The following C8orf34 variants were observed in gnomAD, a reference collection of about 807,000 sequenced individuals.
C8orf34 encodes the protein chromosome 8 open reading frame 34, also known as uncharacterized protein C8orf34.
A neutral mutation model predicts 68.3 loss-of-function variants in C8orf34; 65 were observed. The ratio of observed to expected loss-of-function variants is 0.95; its 90% confidence interval spans 0.78 to 1.17. C8orf34 has a LOEUF of 1.17. C8orf34 is among the 50% of genes most tolerant of loss of function. The probability of loss-of-function intolerance (pLI) is 0.00; values close to 1 mark genes in which losing one functional copy is unlikely to be tolerated. For synonymous variants in C8orf34, 244 were observed against 241.2 expected (o/e 1.01, Z -0.11); for missense variants, 664 against 655.4 (o/e 1.01, Z -0.14).
At chr8:68,604,468 A>G (rs889242214) in intron 7 of C8orf34, among the ~76,000 whole-genome samples, 3 of 152,192 alleles carry the variant, frequency 2.0e-5, no homozygotes, top group Admixed American at 6.6e-5. Context: ...AACAAGTTCT[A>G]GATGAACAAC....
intron 5 of C8orf34, among the ~76,000 whole-genome samples, chr8:68,511,580 G>A (rs1228813246): frequency 1.3e-5 from 2 of 152,024 alleles, no homozygotes; most frequent in Admixed American, 1.3e-4. Context: ...TTTTTTTACT[G>A]AAACTAGAGG....
chr8:68,796,268 G>GTTAA (rs1824174885), intron 12 of C8orf34, among the ~76,000 whole-genome samples: 1 of 152,256 alleles, frequency 6.6e-6, no homozygotes, highest in Non-Finnish European at 1.5e-5. Context: ...TCTGAAAAAA[G>GTTAA]TTAATTTTGA....
intron 1 of C8orf34, among the ~76,000 whole-genome samples, chr8:68,351,836 T>C (rs1227267206): frequency 6.6e-6 from 1 of 152,114 alleles, no homozygotes; most frequent in Non-Finnish European, 1.5e-5. Context: ...ATGAGTCCTG[T>C]TGCTTCACAT....
intron 10 of C8orf34, among the ~76,000 whole-genome samples, chr8:68,742,832 A>C (rs1822342920): frequency 6.6e-6 from 1 of 152,192 alleles, no homozygotes; most frequent in Non-Finnish European, 1.5e-5. Context: ...TACAGCCTTC[A>C]TTTTATTTCA....
intron 12 of C8orf34, among the ~76,000 whole-genome samples, chr8:68,788,784 G>C (rs1437929189): frequency 6.6e-6 from 1 of 152,032 alleles, no homozygotes; most frequent in Non-Finnish European, 1.5e-5. Context: ...GCTTGAAACT[G>C]GGAGGCGGAG....
At chr8:68,562,683 A>G (rs1816469341) in intron 7 of C8orf34, among the ~76,000 whole-genome samples, 1 of 152,194 alleles carries the variant, frequency 6.6e-6, no homozygotes, top group African/African-American at 2.4e-5. Context: ...GGCAAAGAAG[A>G]GGAAGAGAAA....
chr8:68,515,831 A>AAG (rs1814488296), intron 5 of C8orf34, among the ~76,000 whole-genome samples: 1 of 152,222 alleles, frequency 6.6e-6, no homozygotes, highest in Non-Finnish European at 1.5e-5. Flanking sequence ...ACTGGCCTTC[A>AAG]GCCAGTACAC....
At chr8:68,361,141 A>C (rs567192476) in intron 1 of C8orf34, among the ~76,000 whole-genome samples, 2 of 152,294 alleles carry the variant, frequency 1.3e-5, no homozygotes, top group East Asian at 3.9e-4. Flanking sequence ...TTAATTGTGG[A>C]GTGCCCATGA....
At chr8:68,542,776 T>A (rs1586350001) in intron 7 of C8orf34, among the ~76,000 whole-genome samples, 1 of 152,116 alleles carries the variant, frequency 6.6e-6, no homozygotes, top group East Asian at 1.9e-4. Flanking sequence ...ATACGTTTTT[T>A]AAAAACCCAC....
chr8:68,741,990 A>G (rs892428693), intron 10 of C8orf34, among the ~76,000 whole-genome samples: 3 of 152,170 alleles, frequency 2.0e-5, no homozygotes, highest in Admixed American at 6.6e-5. Flanking sequence ...CTATCTCCAA[A>G]GTTTTTCTAC....
At chr8:68,591,855 A>G (rs10504428) in intron 7 of C8orf34, among the ~76,000 whole-genome samples, 93,274 of 151,990 alleles carry the variant, frequency 0.61, 29,125 homozygotes, top group African/African-American at 0.72. Flanking sequence ...TGATCAGACT[A>G]TTACTAACGG....
intron 7 of C8orf34, among the ~76,000 whole-genome samples, chr8:68,535,987 A>T (rs569539886): frequency 6.6e-6 from 1 of 152,164 alleles, no homozygotes; most frequent in South Asian, 2.1e-4. Context: ...GCAATTAATG[A>T]CCACTATGAA....
At chr8:68,652,091 TC>T (rs1819377057) in intron 8 of C8orf34, among the ~76,000 whole-genome samples, 1 of 151,908 alleles carries the variant, frequency 6.6e-6, no homozygotes, top group African/African-American at 2.4e-5. Flanking sequence ...AGGTTGTTGA[TC>T]CCCCACACCT....
At chr8:68,433,255 T>C (rs191590839) in intron 1 of C8orf34, among the ~76,000 whole-genome samples, 4 of 152,316 alleles carry the variant, frequency 2.6e-5, no homozygotes, top group Non-Finnish European at 5.9e-5. Context: ...AGTCATCAGA[T>C]TTTAATGCTA....
At chr8:68,430,188 A>T (rs188528933) in intron 1 of C8orf34, among the ~76,000 whole-genome samples, 146 of 152,102 alleles carry the variant, frequency 9.6e-4, no homozygotes, top group African/African-American at 3.0e-3. Context: ...TAAAAAAATT[A>T]AAAAAAACCT....
At chr8:68,683,062 T>C (rs1820415931) in intron 8 of C8orf34, among the ~76,000 whole-genome samples, 1 of 152,056 alleles carries the variant, frequency 6.6e-6, no homozygotes, top group Admixed American at 6.6e-5. Flanking sequence ...AGTAAGCTTT[T>C]GAGTTTCGTC....
intron 8 of C8orf34, among the ~76,000 whole-genome samples, chr8:68,658,525 C>A (rs1819576625): frequency 6.6e-6 from 1 of 152,120 alleles, no homozygotes; most frequent in Admixed American, 6.5e-5. Context: ...TATTGTCCAC[C>A]AGAGACTCAT....
intron 12 of C8orf34, among the ~76,000 whole-genome samples, chr8:68,798,536 T>C (rs1008888802): frequency 1.3e-5 from 2 of 152,192 alleles, no homozygotes; most frequent in Non-Finnish European, 2.9e-5. Flanking sequence ...ATCTGCATAT[T>C]TGTTATGCTA....
rs541318846 is a variant in C8orf34, at chr8:68,502,982, A to G, written c.765+14931A>G. Reference sequence around the variant, plus strand: ...TTCAAACCACATCACAAGAATGTGAAGGGGAAAATACAGACTGTGGAAAAC... The same window carrying G: ...TTCAAACCACATCACAAGAATGTGAGGGGGAAAATACAGACTGTGGAAAAC... On this transcript the variant is annotated intron_variant, in intron 5 of 13. Transcript: ENST00000518698. Among the ~76,000 whole-genome samples the G allele has an allele frequency of 2.0e-5, 3 of 152,358 alleles. No individual in the cohort carries two copies. The South Asian group carries it at 6.2e-4, about 32-fold the overall frequency.
Sources: gnomAD v4.1 joint callset for allele counts (sites outside exome capture counted in the v4.1 genomes callset) on GRCh38, gnomAD v4.1.1 for gene constraint, MANE v1.5 for transcripts, NCBI Gene and HGNC (gene_info 2026-07-23, HGNC 2026-07-21) for gene names.